IL1RAPL1: variants seen among roughly 807,000 people sequenced by gnomAD.
IL1RAPL1 encodes the protein interleukin 1 receptor accessory protein like 1.
In IL1RAPL1, 3 loss-of-function variants were observed where a neutral mutation model predicts 48.4. The observed-to-expected ratio is 0.06, with a 90% CI of 0.03 to 0.16. The LOEUF (loss-of-function observed/expected upper bound fraction) is 0.16, where lower values mean the gene tolerates loss of function less well. Among genes scored for constraint, IL1RAPL1 ranks in the 10% least tolerant of loss-of-function variants. The probability of loss-of-function intolerance (pLI) is 1.00; values close to 1 mark genes in which losing one functional copy is unlikely to be tolerated. For synonymous variants in IL1RAPL1, 185 were observed against 187.7 expected (o/e 0.99, Z 0.12); for missense variants, 349 against 530.6 (o/e 0.66, Z 3.36).
At chrX:29,594,105 G>A (rs1029297856) in intron 5 of IL1RAPL1, among the ~76,000 whole-genome samples, 3 of 112,599 alleles carry the variant, frequency 2.7e-5, no homozygotes, top group Non-Finnish European at 5.6e-5. Context: ...TAGATAAATG[G>A]TGTATAGAAA....
At chrX:29,159,989 G>C (rs990100141) in intron 2 of IL1RAPL1, among the ~76,000 whole-genome samples, 1 of 111,860 alleles carries the variant, frequency 8.9e-6, no homozygotes, top group Non-Finnish European at 1.9e-5. Flanking sequence ...GGGATTATAG[G>C]TGTGAGCCAC....
chrX:28,812,964 A>G (rs1413056560), intron 2 of IL1RAPL1, among the ~76,000 whole-genome samples: 4 of 111,074 alleles, frequency 3.6e-5, no homozygotes, highest in African/African-American at 1.3e-4. Context: ...TGTCCATATA[A>G]GAATGTAAAC....
chrX:29,537,918 A>G (rs1348847720), intron 5 of IL1RAPL1, among the ~76,000 whole-genome samples: 1 of 111,499 alleles, frequency 9.0e-6, no homozygotes, highest in African/African-American at 3.2e-5. Flanking sequence ...TTTTTCCTAA[A>G]CTTCTAAAAC....
chrX:29,172,489 T>G (rs192421523), intron 2 of IL1RAPL1, among the ~76,000 whole-genome samples: 12 of 111,780 alleles, frequency 1.1e-4, no homozygotes, highest in Admixed American at 1.1e-3. Flanking sequence ...ACAGTTACTC[T>G]AGTGAAGCAA....
At chrX:28,735,654 C>T (rs1216358650) in intron 1 of IL1RAPL1, among the ~76,000 whole-genome samples, 3 of 109,711 alleles carry the variant, frequency 2.7e-5, no homozygotes, top group Non-Finnish European at 5.7e-5. Context: ...CAACCGTAGT[C>T]CTAGCTGCTT....
chrX:29,711,069 T>TACACACACACACACAC (rs745317897), intron 6 of IL1RAPL1, among the ~76,000 whole-genome samples: 5,520 of 86,380 alleles, frequency 0.064, 371 homozygotes, highest in African/African-American at 0.18. Flanking sequence ...TGTGTGTGTA[T>TACACACACACACACAC]ACACACACAC....
chrX:29,168,241 A>G (rs193131219), intron 2 of IL1RAPL1, among the ~76,000 whole-genome samples: 1 of 108,405 alleles, frequency 9.2e-6, no homozygotes, highest in East Asian at 2.9e-4. Context: ...TTACATTGTT[A>G]TTTGCTATAG....
chrX:29,797,740 G>A (rs1263653895), intron 6 of IL1RAPL1, among the ~76,000 whole-genome samples: 2 of 111,116 alleles, frequency 1.8e-5, no homozygotes, highest in African/African-American at 3.3e-5. Flanking sequence ...AGTCGCGGTG[G>A]CACACACCTG....
intron 2 of IL1RAPL1, among the ~76,000 whole-genome samples, chrX:29,030,247 A>C (rs1926587475): frequency 9.0e-6 from 1 of 111,382 alleles, no homozygotes; most frequent in Admixed American, 9.6e-5. Flanking sequence ...GCCTCTCCGT[A>C]TAAACTTTAG....
intron 5 of IL1RAPL1, among the ~76,000 whole-genome samples, chrX:29,410,806 A>T (rs1391432577): frequency 8.9e-6 from 1 of 112,539 alleles, no homozygotes; most frequent in Non-Finnish European, 1.9e-5. Context: ...TAATTTTATG[A>T]ATATCAAATC....
At chrX:29,030,168 A>C (rs1390962018) in intron 2 of IL1RAPL1, among the ~76,000 whole-genome samples, 1 of 111,129 alleles carries the variant, frequency 9.0e-6, no homozygotes, top group Non-Finnish European at 1.9e-5. Flanking sequence ...AATATATCTC[A>C]GAATTGAATA....
At chrX:28,812,005 T>C (rs1353038064) in intron 2 of IL1RAPL1, among the ~76,000 whole-genome samples, 1 of 110,706 alleles carries the variant, frequency 9.0e-6, no homozygotes. Context: ...GAATTATACA[T>C]GATATAAAGA....
rs1234344859 is a variant in IL1RAPL1 at position 28,831,020 on chromosome X, CTCTCTCTGTG to C, written c.82+41597_82+41606del. Reference sequence around the variant, plus strand: ...TCTCTCTCTCTCTCTCTCTCTCTCTCTCTCTCTGTGTGTGTGTGTGTGTGTGTGTGTGTGT... The same window carrying C: ...TCTCTCTCTCTCTCTCTCTCTCTCTCTGTGTGTGTGTGTGTGTGTGTGTGT... On this transcript the variant is annotated intron_variant, in intron 2 of 10. Transcript: ENST00000378993. 7.6e-5 allele frequency among the ~76,000 whole-genome samples: 5 copies of C among 65,903 alleles called. No homozygotes were observed. In the East Asian group the frequency reaches 2.0e-3, roughly 27 times the overall value. 57.2% of individuals were successfully genotyped at this position (65,903 alleles called of 115,157 possible).
intron 5 of IL1RAPL1, among the ~76,000 whole-genome samples, chrX:29,560,636 G>A (rs1195632830): frequency 9.0e-6 from 1 of 111,197 alleles, no homozygotes; most frequent in Non-Finnish European, 1.9e-5. Flanking sequence ...ATTTTCTTCT[G>A]CTTTATCACG....
intron 1 of IL1RAPL1, among the ~76,000 whole-genome samples, chrX:28,741,888 G>T (rs983682863): frequency 1.8e-5 from 2 of 111,806 alleles, no homozygotes; most frequent in African/African-American, 6.5e-5. Flanking sequence ...GTTAAAGTTT[G>T]ATTCTGTTCT....
chrX:28,591,388 A>G (rs1933905925), intron 1 of IL1RAPL1, among the ~76,000 whole-genome samples: 1 of 112,197 alleles, frequency 8.9e-6, no homozygotes, highest in African/African-American at 3.2e-5. Context: ...TGAACTTTGA[A>G]GATTTATATT....
intron 5 of IL1RAPL1, among the ~76,000 whole-genome samples, chrX:29,550,239 T>A (rs772766833): frequency 1.8e-5 from 2 of 111,453 alleles, no homozygotes; most frequent in Non-Finnish European, 3.8e-5. Flanking sequence ...TCGCCCAGGC[T>A]GGAGTGCAGT....
chrX:29,178,949 G>T (rs973265226), intron 2 of IL1RAPL1, among the ~76,000 whole-genome samples: 4 of 111,514 alleles, frequency 3.6e-5, no homozygotes, highest in African/African-American at 1.3e-4. Context: ...TGTTCCATTG[G>T]TCTATATCTC....
At chrX:29,501,070 T>C (rs1008961485) in intron 5 of IL1RAPL1, among the ~76,000 whole-genome samples, 1 of 112,099 alleles carries the variant, frequency 8.9e-6, no homozygotes, top group Non-Finnish European at 1.9e-5. Flanking sequence ...ATTTTTCATA[T>C]ATCTGTTGGC....
Sources: gnomAD v4.1 joint callset for allele counts (sites outside exome capture counted in the v4.1 genomes callset) on GRCh38, gnomAD v4.1.1 for gene constraint, MANE v1.5 for transcripts, NCBI Gene and HGNC (gene_info 2026-07-23, HGNC 2026-07-21) for gene names.